CHRNA5: variants seen among roughly 807,000 people sequenced by gnomAD.
CHRNA5 encodes the protein cholinergic receptor nicotinic alpha 5 subunit, also known as neuronal acetylcholine receptor subunit alpha-5.
A neutral mutation model predicts 41.2 loss-of-function variants in CHRNA5; 28 were observed. The ratio of observed to expected loss-of-function variants is 0.68; its 90% CI spans 0.50 to 0.93. CHRNA5 has a LOEUF of 0.93. CHRNA5 is among the 40% of genes least tolerant of loss of function. The pLI is 0.00. For missense variants in CHRNA5, 481 were observed against 581.9 expected (o/e 0.83, Z 1.78); for synonymous variants, 188 against 205.8 (o/e 0.91, Z 0.74).
intron 1 of CHRNA5, among the ~76,000 whole-genome samples, chr15:78,573,015 AAC>A (rs1352835023): frequency 6.6e-6 from 1 of 152,150 alleles, no homozygotes; most frequent in Non-Finnish European, 1.5e-5. Context: ...TTTGAGAAAA[AAC>A]AAAATAAATC....
chr15:78,576,843 T>C (rs2052862840), intron 1 of CHRNA5, among the ~76,000 whole-genome samples: 1 of 151,614 alleles, frequency 6.6e-6, no homozygotes, highest in African/African-American at 2.4e-5. Flanking sequence ...CATCAGCCTA[T>C]ATGTAGTGCT....
At chr15:78,573,963 A>ATTTTTT (rs979485573) in intron 1 of CHRNA5, among the ~76,000 whole-genome samples, 19 of 102,074 alleles carry the variant, frequency 1.9e-4, no homozygotes, top group African/African-American at 2.5e-4. Flanking sequence ...CGCCTGGCTA[A>ATTTTTT]TTTTTTTTTT....
At chr15:78,570,545 C>T (rs1319878707) in intron 1 of CHRNA5, among the ~76,000 whole-genome samples, 1 of 149,044 alleles carries the variant, frequency 6.7e-6, no homozygotes, top group Admixed American at 6.9e-5. Context: ...GCTGGGATTA[C>T]AGGTGTGAGC....
intron 1 of CHRNA5, among the ~76,000 whole-genome samples, chr15:78,574,118 T>C (rs1389149979): frequency 6.6e-6 from 1 of 151,260 alleles, no homozygotes; most frequent in Non-Finnish European, 1.5e-5. Context: ...CGGCCTAGAA[T>C]TGGTTTTTTA....
At chr15:78,583,520 C>T (rs1272354644) in intron 2 of CHRNA5, among the ~76,000 whole-genome samples, 1 of 151,946 alleles carries the variant, frequency 6.6e-6, no homozygotes, top group African/African-American at 2.4e-5. Flanking sequence ...GGTGAAACCC[C>T]GTCTCTACTA....
intron 1 of CHRNA5, 141 bp from the exon 2 acceptor site, chr15:78,580,670 T>A (rs151024062): frequency 4.7e-4 from 240 of 505,922 alleles, no homozygotes; most frequent in African/African-American, 4.3e-3. Context: ...AGAGTCTCTC[T>A]CCATGGCCCA....
At chr15:78,567,140 C>A (rs1292248600) in intron 1 of CHRNA5, among the ~76,000 whole-genome samples, 1 of 151,858 alleles carries the variant, frequency 6.6e-6, no homozygotes, top group Non-Finnish European at 1.5e-5. Flanking sequence ...GTAGTCCCAG[C>A]TACTCGGGAG....
intron 5 of CHRNA5, 198 bp downstream of exon 5, chr15:78,590,834 T>G: frequency 1.8e-6 from 1 of 560,232 alleles, no homozygotes; most frequent in South Asian, 2.3e-5. Context: ...AAATGGGGCA[T>G]TTACACAAAT....
chr15:78,589,929 G>A (rs151206721), exon 5 of CHRNA5: 2 of 1,614,138 alleles, frequency 1.2e-6, no homozygotes, highest in Admixed American at 1.7e-5. Flanking sequence ...TTTCCCATTT[G>A]ACCTTCAGAA....
chr15:78,588,198 AT>A lies in CHRNA5; in HGVS notation c.304-114del. 1 of 526,230 alleles carries A rather than the reference AT, an allele frequency of 1.9e-6. No homozygotes were observed. The highest frequency in any genetic ancestry group is 3.4e-6 in the Non-Finnish European group (1 of 293,750). The allele number at this position is 526,230 out of a possible 1,614,324, so 32.6% of individuals were successfully genotyped here. A position where few individuals can be genotyped will look rare whatever the true frequency, so the allele number is the denominator to read the frequency against. On this transcript the variant is annotated intron_variant, in intron 3 of 5. Transcript: ENST00000299565. The surrounding 1 kb of genome is among the most constrained non-coding windows in gnomAD (Gnocchi z 4.1). ...TAAGAAAGACAGGGAGGTGTTCTCT[AT>A]TGGGGGTAGAGATGATCTCATGTCT...
intron 2 of CHRNA5, among the ~76,000 whole-genome samples, chr15:78,586,158 A>G (rs996247609): frequency 5.3e-5 from 8 of 152,148 alleles, no homozygotes; most frequent in Non-Finnish European, 1.2e-4. Context: ...GCAGAGGCAA[A>G]TGACTGTAAG....
At chr15:78,585,532 C>T (rs562729007) in intron 2 of CHRNA5, among the ~76,000 whole-genome samples, 12 of 152,156 alleles carry the variant, frequency 7.9e-5, no homozygotes, top group South Asian at 4.1e-4. Context: ...AATATATTTG[C>T]GGCTGGTGAT....
At chr15:78,570,372 C>T (rs969413307) in intron 1 of CHRNA5, among the ~76,000 whole-genome samples, 1 of 150,840 alleles carries the variant, frequency 6.6e-6, no homozygotes, top group African/African-American at 2.4e-5. Context: ...GATTCTCGTG[C>T]CTCAGCCTCC....
At chr15:78,591,998 C>G (rs1316833612) in intron 5 of CHRNA5, among the ~76,000 whole-genome samples, 2 of 152,096 alleles carry the variant, frequency 1.3e-5, no homozygotes, top group African/African-American at 4.8e-5. Context: ...CTACTAGGAC[C>G]AAGGAGGTTG....
In CHRNA5 at chr15:78,580,878, C is replaced by T. The variant is rs79835149; in HGVS notation, c.174C>T (p.Tyr58=). The T allele has an allele frequency of 3.1e-3, 4,977 of 1,613,482 alleles. 118 individuals are homozygous for T. The African/African-American group carries it at 0.056, about 18-fold the overall frequency. Residue 58 remains tyrosine, a synonymous_variant, in exon 2 of 6, where the codon TAC becomes TAT. Coordinates refer to ENST00000299565, the Ensembl canonical transcript of CHRNA5. ...TGCTTAAGGATTTATTTCAAGACTA[C>T]GAAAGATGGGTTCGTCCTGTGGAAC...
At chr15:78,594,163 T>G (rs78107451) in exon 6 of CHRNA5, 1 of 152,220 alleles carries the variant, frequency 6.6e-6, no homozygotes, top group Non-Finnish European at 1.5e-5. Flanking sequence ...GATGCTTAAT[T>G]ATTGTGTTAA....
chr15:78,592,077 A>C (rs968683459), intron 5 of CHRNA5, among the ~76,000 whole-genome samples: 3 of 152,160 alleles, frequency 2.0e-5, no homozygotes, highest in African/African-American at 7.2e-5. Flanking sequence ...TAATCCCAGC[A>C]CTTTGGGAGG....
intron 1 of CHRNA5, among the ~76,000 whole-genome samples, chr15:78,580,010 T>A (rs2052895926): frequency 6.6e-6 from 1 of 152,186 alleles, no homozygotes; most frequent in Non-Finnish European, 1.5e-5. Flanking sequence ...CCAGGCACAG[T>A]GGCTCACAGC....
chr15:78,581,012 G>A (rs1177790943), intron 2 of CHRNA5, 50 bp downstream of exon 2: 3 of 1,571,634 alleles, frequency 1.9e-6, no homozygotes, highest in Non-Finnish European at 2.6e-6. Flanking sequence ...TTTAGTGAGA[G>A]CCTGGTGTGT....
Sources: gnomAD v4.1 joint callset for allele counts (sites outside exome capture counted in the v4.1 genomes callset) on GRCh38, gnomAD v4.1.1 for gene constraint, Gnocchi (gnomAD v3.1) non-coding constraint, MANE v1.5 for transcripts, NCBI Gene and HGNC (gene_info 2026-07-23, HGNC 2026-07-21) for gene names.